FAM53A: variants seen among roughly 807,000 people sequenced by gnomAD.
The protein encoded by FAM53A is family with sequence similarity 53 member A, also known as protein FAM53A.
In FAM53A, 28 loss-of-function variants were observed where a neutral mutation model predicts 26.6. The ratio of observed to expected loss-of-function variants is 1.05; its 90% CI spans 0.78 to 1.45. The LOEUF is 1.45. Among genes scored for constraint, FAM53A ranks in the 40% most tolerant of loss-of-function variants. The probability of loss-of-function intolerance (pLI) is 0.00; values close to 1 mark genes in which losing one functional copy is unlikely to be tolerated. For synonymous variants in FAM53A, 290 were observed against 253.1 expected (o/e 1.15, Z -1.38); for missense variants, 650 against 575.8 (o/e 1.13, Z -1.32).
intron 1 of FAM53A, among the ~76,000 whole-genome samples, chr4:1,634,349 C>T (rs559378243): frequency 3.3e-5 from 5 of 152,202 alleles, no homozygotes; most frequent in South Asian, 4.2e-4. Flanking sequence ...CCTCCACACC[C>T]GTCCACACAC....
chr4:1,672,451 C>T (rs1323686913), intron 1 of FAM53A, among the ~76,000 whole-genome samples: 3 of 152,156 alleles, frequency 2.0e-5, no homozygotes, highest in East Asian at 1.9e-4. Context: ...CGCCTCCTCA[C>T]GGGGTGGTGG....
At chr4:1,624,890 C>A (rs1042128980) in intron 1 of FAM53A, among the ~76,000 whole-genome samples, 1 of 151,918 alleles carries the variant, frequency 6.6e-6, no homozygotes, top group South Asian at 2.1e-4. Context: ...AGGGGTCACA[C>A]CAGGTGATCA....
the FAM53A span, among the ~76,000 whole-genome samples, chr4:1,579,545 G>A: frequency 6.6e-6 from 1 of 152,314 alleles, no homozygotes; most frequent in African/African-American, 2.4e-5. Flanking sequence ...GCTCGAGTCA[G>A]CCGGTGACGC....
chr4:1,669,510 G>A (rs770621134), intron 1 of FAM53A, among the ~76,000 whole-genome samples: 4 of 152,200 alleles, frequency 2.6e-5, no homozygotes, highest in Admixed American at 6.5e-5. Context: ...CAGAGGCTGC[G>A]GGGCGGCCCC....
the FAM53A span, among the ~76,000 whole-genome samples, chr4:1,612,815 G>C: frequency 1.3e-5 from 2 of 152,214 alleles, no homozygotes; most frequent in African/African-American, 4.8e-5. Flanking sequence ...GTGGGTGCTT[G>C]CATGCTCTCG....
intron 4 of FAM53A, among the ~76,000 whole-genome samples, chr4:1,648,055 GAAT>G (rs991221609): frequency 2.0e-5 from 3 of 152,100 alleles, no homozygotes; most frequent in African/African-American, 7.2e-5. Flanking sequence ...AAAAAATTGA[GAAT>G]ATTAGCTGGG....
chr4:1,664,420 G>T (rs1288216347), intron 2 of FAM53A, among the ~76,000 whole-genome samples: 1 of 152,150 alleles, frequency 6.6e-6, no homozygotes, highest in Admixed American at 6.5e-5. Flanking sequence ...CCTCATACAT[G>T]AATGTACGAG....
At chr4:1,615,712 A>G (rs1714790179), downstream of FAM53A, among the ~76,000 whole-genome samples, 1 of 152,266 alleles carries the variant, frequency 6.6e-6, no homozygotes, top group African/African-American at 2.4e-5. Context: ...TGCTCCTCAC[A>G]TGTCCAAGAA....
chr4:1,587,125 T>C, the FAM53A span, among the ~76,000 whole-genome samples: 2 of 152,268 alleles, frequency 1.3e-5, no homozygotes, highest in South Asian at 4.1e-4. Context: ...GTTCCTAGTA[T>C]ATTTTCGATA....
the FAM53A span, among the ~76,000 whole-genome samples, chr4:1,596,756 C>A: frequency 1.3e-5 from 2 of 152,078 alleles, no homozygotes; most frequent in Non-Finnish European, 2.9e-5. Context: ...CATGAAACTT[C>A]CTTTAAAAGG....
At chr4:1,618,106 G>C (rs1335854851) in exon 2 of FAM53A, 1 of 456,388 alleles carries the variant, frequency 2.2e-6, no homozygotes, top group Non-Finnish European at 4.4e-6. Context: ...CAGTCCGTGA[G>C]GCAACCTGGA....
downstream of FAM53A, among the ~76,000 whole-genome samples, chr4:1,637,613 G>A (rs954958036): frequency 2.6e-5 from 4 of 151,346 alleles, no homozygotes; most frequent in Non-Finnish European, 5.9e-5. Flanking sequence ...CAGGAGAGGG[G>A]GAGGGCTGGG....
chr4:1,662,169 A>G (rs1194602272), intron 2 of FAM53A, among the ~76,000 whole-genome samples: 2 of 152,052 alleles, frequency 1.3e-5, no homozygotes, highest in African/African-American at 4.8e-5. Context: ...TTTCTAAAAG[A>G]TATAAATTTT....
chr4:1,623,684 C>G (rs1715154256), intron 1 of FAM53A, among the ~76,000 whole-genome samples: 1 of 152,268 alleles, frequency 6.6e-6, no homozygotes, highest in Non-Finnish European at 1.5e-5. Context: ...ACCCCGGGAG[C>G]CGCGCGATGC....
the FAM53A span, among the ~76,000 whole-genome samples, chr4:1,592,519 G>A: frequency 2.4e-5 from 2 of 85,030 alleles, no homozygotes; most frequent in South Asian, 5.8e-4. Context: ...GGGGAAAACA[G>A]GGGCAGGAGA....
Position 1,641,269 on chromosome 4 carries a change from G to C in FAM53A, c.*24C>G. The C allele has an allele frequency of 6.2e-7, 1 of 1,612,110 alleles. No homozygotes were observed. The highest frequency in any genetic ancestry group is 8.5e-7 in the Non-Finnish European group (1 of 1,179,600). On this transcript the variant is annotated 3_prime_UTR_variant, in exon 5 of 5. Coordinates refer to ENST00000308132, the MANE Select transcript of FAM53A (RefSeq NM_001174070.3). ...CAGGGCAGGTGCAGGCGGCAGCCAT[G>C]GCCCCGACCAGCCCCCACCAGCCTC... is the stretch of plus-strand genomic sequence containing the variant.
chr4:1,684,717 C>G (rs537921601), upstream of FAM53A, among the ~76,000 whole-genome samples: 23 of 152,042 alleles, frequency 1.5e-4, no homozygotes, highest in South Asian at 4.2e-3. Context: ...GGTCTCGGGG[C>G]CCGAGGCTCG....
chr4:1,578,499 G>A, the FAM53A span, among the ~76,000 whole-genome samples: 18 of 152,086 alleles, frequency 1.2e-4, no homozygotes, highest in South Asian at 4.2e-4. Flanking sequence ...GGAACGTGTG[G>A]GGGTAGGAGG....
chr4:1,670,149 T>C (rs1045908622), intron 1 of FAM53A, among the ~76,000 whole-genome samples: 9 of 152,214 alleles, frequency 5.9e-5, no homozygotes, highest in Admixed American at 2.0e-4. Flanking sequence ...GCATCCAAGT[T>C]CACTACACCT....
Sources: allele counts gnomAD v4.1 joint callset (sites outside exome capture counted in the v4.1 genomes callset), GRCh38; gene constraint gnomAD v4.1.1; transcripts MANE v1.5; gene names NCBI Gene and HGNC (gene_info 2026-07-23, HGNC 2026-07-21).